Variants in CEP63 observed in about 807,000 individuals in gnomAD.
The protein encoded by CEP63 is centrosomal protein of 63 kDa.
Under a neutral mutation model 89.1 loss-of-function variants are expected in CEP63, and 84 were observed. The ratio of observed to expected loss-of-function variants is 0.94; its 90% confidence interval spans 0.79 to 1.13. The LOEUF (loss-of-function observed/expected upper bound fraction) is 1.13. Ranked by LOEUF, CEP63 falls within the 50% of genes most tolerant of loss-of-function variation. The probability of loss-of-function intolerance (pLI) is 0.00; values close to 1 mark genes in which losing one functional copy is unlikely to be tolerated. For synonymous variants in CEP63, 267 were observed against 272.5 expected (o/e 0.98, Z 0.20); for missense variants, 838 against 813.3 (o/e 1.03, Z -0.37).
At chr3:134,713,806 T>G in the CEP63 span, among the ~76,000 whole-genome samples, 2 of 152,208 alleles carry the variant, frequency 1.3e-5, no homozygotes, top group African/African-American at 4.8e-5. Context: ...ACTTAATGCA[T>G]CTAAACCTCA....
At chr3:134,738,372 A>G in the CEP63 span, among the ~76,000 whole-genome samples, 1 of 152,034 alleles carries the variant, frequency 6.6e-6, no homozygotes, top group Non-Finnish European at 1.5e-5. Flanking sequence ...GCTGGTATAA[A>G]CCTGCGTGTG....
chr3:134,496,080 A>G (rs80295910), intron 2 of CEP63, among the ~76,000 whole-genome samples: 3 of 152,162 alleles, frequency 2.0e-5, no homozygotes, highest in African/African-American at 4.8e-5. Flanking sequence ...TTTCCTTTGG[A>G]TAGATTACCC....
the CEP63 span, among the ~76,000 whole-genome samples, chr3:134,739,555 A>C: frequency 3.3e-5 from 5 of 152,208 alleles, no homozygotes; most frequent in Non-Finnish European, 5.9e-5. Flanking sequence ...ACATACTATA[A>C]AATGATAAAA....
chr3:134,758,820 C>T, the CEP63 span, among the ~76,000 whole-genome samples: 5 of 152,228 alleles, frequency 3.3e-5, no homozygotes, highest in South Asian at 2.1e-4. Context: ...ATAATGGCCT[C>T]GCCAAAGATG....
At chr3:134,514,078 C>T (rs9985356) in intron 3 of CEP63, among the ~76,000 whole-genome samples, 1 of 151,924 alleles carries the variant, frequency 6.6e-6, no homozygotes, top group African/African-American at 2.4e-5. Flanking sequence ...TTGTCATTAT[C>T]ATGCACACAG....
At chr3:134,699,058 T>G in the CEP63 span, among the ~76,000 whole-genome samples, 1 of 152,200 alleles carries the variant, frequency 6.6e-6, no homozygotes, top group Non-Finnish European at 1.5e-5. Context: ...GCCAGTGGGC[T>G]GGGGCCAAAT....
chr3:134,760,345 C>T, the CEP63 span, among the ~76,000 whole-genome samples: 2 of 152,160 alleles, frequency 1.3e-5, no homozygotes, highest in African/African-American at 4.8e-5. Flanking sequence ...AGGCCTGAGC[C>T]ACCGCGCCCG....
At chr3:134,497,723 A>C (rs1174363308) in intron 2 of CEP63, among the ~76,000 whole-genome samples, 2 of 151,922 alleles carry the variant, frequency 1.3e-5, no homozygotes, top group Non-Finnish European at 2.9e-5. Flanking sequence ...TTAAGTCTTT[A>C]GTCCATTTTG....
intron 8 of CEP63, 130 bp downstream of exon 8, chr3:134,546,418 G>T (rs1392202500): frequency 2.4e-6 from 2 of 834,586 alleles, no homozygotes; most frequent in Non-Finnish European, 3.6e-6. Context: ...GAGTGCAGTG[G>T]TGCAATCTCA....
At chr3:134,677,191 G>A in the CEP63 span, among the ~76,000 whole-genome samples, 103 of 152,122 alleles carry the variant, frequency 6.8e-4, no homozygotes, top group Non-Finnish European at 1.2e-3. Context: ...CCCGGCAGGC[G>A]GAGGTTGCAG....
the CEP63 span, among the ~76,000 whole-genome samples, chr3:134,721,254 T>TA: frequency 3.9e-5 from 6 of 152,042 alleles, 1 homozygote; most frequent in African/African-American, 1.4e-4. Context: ...ACAGCTTTTT[T>TA]AAAAAAAATT....
chr3:134,609,964 T>C, the CEP63 span, among the ~76,000 whole-genome samples: 1 of 152,234 alleles, frequency 6.6e-6, no homozygotes, highest in Admixed American at 6.5e-5. Flanking sequence ...GAGGGAGTTA[T>C]AGGGAGTCAG....
chr3:134,594,722 A>G, the CEP63 span, among the ~76,000 whole-genome samples: 2 of 152,258 alleles, frequency 1.3e-5, no homozygotes, highest in African/African-American at 2.4e-5. Context: ...GTCAACAGCC[A>G]TGTAAACAAC....
At chr3:134,639,336 C>T in the CEP63 span, among the ~76,000 whole-genome samples, 1 of 152,214 alleles carries the variant, frequency 6.6e-6, no homozygotes, top group South Asian at 2.1e-4. Context: ...CATGAAAACC[C>T]CACTCAGCAG....
chr3:134,537,239 G>A lies in CEP63; in HGVS notation c.526G>A (p.Ala176Thr), dbSNP rs996432308. Reference sequence around the variant, plus strand: ...ATCTTCACTGGAGGCACAAAGGAAGGCTCTGGCTGAACAATCAGAGATAAT... The same window carrying A: ...ATCTTCACTGGAGGCACAAAGGAAGACTCTGGCTGAACAATCAGAGATAAT... The part of the protein sequence containing the change: ...QVSSLEAQRK[A>T]LAEQSEIIQA... The change falls in exon 6 of 15, where the codon GCT becomes ACT. Residue 176 changes from alanine to threonine, a missense_variant. Coordinates refer to ENST00000675561, the MANE Select transcript of CEP63 (RefSeq NM_001353108.3). The A allele has an allele frequency of 1.2e-6, 2 of 1,612,530 alleles. No individual in the cohort carries two copies. The highest frequency in any genetic ancestry group is 1.7e-5 in the Admixed American group (1 of 60,026).
chr3:134,510,360 G>A (rs1944546404), intron 3 of CEP63, among the ~76,000 whole-genome samples: 1 of 152,146 alleles, frequency 6.6e-6, no homozygotes, highest in Non-Finnish European at 1.5e-5. Flanking sequence ...GAAGCAGCAG[G>A]CACTGCTGCA....
At chr3:134,554,770 G>A (rs1241195396) in intron 12 of CEP63, among the ~76,000 whole-genome samples, 3 of 152,148 alleles carry the variant, frequency 2.0e-5, no homozygotes, top group Non-Finnish European at 2.9e-5. Context: ...TTTAATGACT[G>A]CCATTCTAAC....
At chr3:134,584,480 T>C (rs1363022601) in intron 10 of CEP63, among the ~76,000 whole-genome samples, 1 of 152,350 alleles carries the variant, frequency 6.6e-6, no homozygotes, top group East Asian at 1.9e-4. Context: ...GGATTACATT[T>C]GTTGATTTGC....
the CEP63 span, chr3:134,629,747 T>C: frequency 8.9e-7 from 1 of 1,129,776 alleles, no homozygotes; most frequent in Non-Finnish European, 1.3e-6. Context: ...CAGGAAAGGG[T>C]GAATGCCTCA....
Sources: gnomAD v4.1 joint callset for allele counts (sites outside exome capture counted in the v4.1 genomes callset) on GRCh38, gnomAD v4.1.1 for gene constraint, MANE v1.5 for transcripts, NCBI Gene and HGNC (gene_info 2026-07-23, HGNC 2026-07-21) for gene names.